SIPA1L3: variants seen among roughly 807,000 people sequenced by gnomAD.
SIPA1L3 encodes the protein signal-induced proliferation-associated 1-like protein 3.
A neutral mutation model predicts 150.1 loss-of-function variants in SIPA1L3; 59 were observed. The ratio of observed to expected loss-of-function variants is 0.39; its 90% CI spans 0.32 to 0.49. SIPA1L3 has a LOEUF of 0.49. Ranked by LOEUF, SIPA1L3 falls within the 20% of genes least tolerant of loss-of-function variation. The pLI is 0.86. For synonymous variants in SIPA1L3, 1,070 were observed against 1,077.6 expected (o/e 0.99, Z 0.14); for missense variants, 2,211 against 2,489.5 (o/e 0.89, Z 2.38).
At chr19:37,938,606 T>C (rs1162633651) in intron 1 of SIPA1L3, among the ~76,000 whole-genome samples, 1 of 151,680 alleles carries the variant, frequency 6.6e-6, no homozygotes, top group East Asian at 1.9e-4. Flanking sequence ...TCTGCTTCTT[T>C]TTCTTTTTTT....
chr19:38,163,778 G>A (rs887908466), intron 14 of SIPA1L3, among the ~76,000 whole-genome samples: 1 of 152,178 alleles, frequency 6.6e-6, no homozygotes, highest in Non-Finnish European at 1.5e-5. Context: ...GTTGGAGACC[G>A]GGACCCAAGC....
intron 16 of SIPA1L3, among the ~76,000 whole-genome samples, chr19:38,186,527 T>G (rs1972681862): frequency 6.6e-6 from 1 of 151,476 alleles, no homozygotes; most frequent in African/African-American, 2.4e-5. Flanking sequence ...TTAATTTTTG[T>G]ATTTTTAATA....
At chr19:38,036,504 A>G (rs1448718739) in intron 2 of SIPA1L3, among the ~76,000 whole-genome samples, 2 of 152,196 alleles carry the variant, frequency 1.3e-5, no homozygotes, top group African/African-American at 4.8e-5. Flanking sequence ...CCTCAGGAGC[A>G]CAGAGTCGCA....
rs1970033682 is a variant in SIPA1L3 at position 38,082,809 on chromosome 19, T to C, written c.1244T>C (p.Leu415Pro). The change falls in exon 3 of 22, where the codon CTC becomes CCC. Residue 415 changes from leucine (L) to proline (P), a missense_variant. Physicochemically the swap from Leu to Pro is moderately conservative, Grantham distance 98 (BLOSUM62 -3). Transcript: ENST00000222345. The part of the protein sequence containing the change: ...LNCKENLEQD[L>P]GDDNSNDLLL... Reference sequence around the variant, plus strand: ...TGCAAGGAGAACTTGGAGCAGGACCTCGGCGATGACAACAGCAACGACCTG... The same window carrying C: ...TGCAAGGAGAACTTGGAGCAGGACCCCGGCGATGACAACAGCAACGACCTG... 3 of 1,613,472 alleles carry C rather than the reference T, an allele frequency of 1.9e-6. No homozygotes were observed. Among genetic ancestry groups the C allele is most frequent in the Non-Finnish European group, 2.5e-6 (3 of 1,179,920 alleles).
intron 1 of SIPA1L3, among the ~76,000 whole-genome samples, chr19:37,927,602 G>A (rs989844011): frequency 1.4e-5 from 2 of 142,030 alleles, no homozygotes; most frequent in Non-Finnish European, 3.0e-5. Flanking sequence ...GTAAGAACAT[G>A]GGGTGTGTGT....
At chr19:37,977,037 A>G (rs2072964320) in intron 1 of SIPA1L3, among the ~76,000 whole-genome samples, 5 of 151,934 alleles carry the variant, frequency 3.3e-5, no homozygotes, top group Admixed American at 3.3e-4. Context: ...GGGTCTTGCC[A>G]TGTTACCCAG....
chr19:38,047,715 CA>C lies in SIPA1L3; in HGVS notation c.-311+18560del, dbSNP rs1969093163. 6.6e-6 allele frequency among the ~76,000 whole-genome samples: 1 copy of C among 152,178 alleles called. No homozygotes were observed. The highest frequency in any genetic ancestry group is 2.4e-5 in the African/African-American group (1 of 41,420). On this transcript the variant is annotated intron_variant, in intron 2 of 21. Transcript: ENST00000222345. This position sits in a 1 kb window ranked among gnomAD's most constrained non-coding sequence, Gnocchi z 4.7. ...CCTTGATGCTGACGGAGGGATGTGA[CA>C]CCGCAGCCAGCCAGGTCTCCTCATG...
intron 6 of SIPA1L3, among the ~76,000 whole-genome samples, chr19:38,103,901 CAAAAAAAAAAAAA>C (rs66888884): frequency 1.0e-5 from 1 of 96,290 alleles, no homozygotes; most frequent in Non-Finnish European, 2.1e-5. Flanking sequence ...GACTCCATAT[CAAAAAAAAAAAAA>C]AAAAAAAGGA....
At position 38,119,635 on chromosome 19, in the gene SIPA1L3, G is replaced by C; in HGVS notation, c.2621G>C (p.Arg874Thr). Residue 874 changes from arginine to threonine, a missense_variant, in exon 9 of 22, where the codon AGG (arginine) becomes ACG (threonine). Physicochemically the swap from Arg to Thr is moderately conservative, Grantham distance 71. Around this residue, in one of 5 missense-constraint regions of SIPA1L3, gnomAD observed 625 missense variants for 804.2 expected, o/e 0.78. Transcript: ENST00000222345. ...CACAGTGCAGGGGCCATCGCCTGGA[G>C]GGTGGTGGCCCAGGACTACGCCCAG... ...EQHSAGAIAW[R>T]VVAQDYAQGV... is the part of the protein sequence containing the mutation. 2.5e-6 allele frequency: 4 copies of C among 1,614,200 alleles called. No homozygotes were observed.
chr19:38,037,803 C>T (rs567547649), intron 2 of SIPA1L3, among the ~76,000 whole-genome samples: 3 of 152,294 alleles, frequency 2.0e-5, no homozygotes, highest in Non-Finnish European at 2.9e-5. Context: ...CTCCAGGTAA[C>T]GGCAACCCCC....
At chr19:38,184,703 A>C (rs1475693909) in intron 16 of SIPA1L3, 1 of 152,246 alleles carries the variant, frequency 6.6e-6, no homozygotes, top group African/African-American at 2.4e-5. Context: ...GAGACGTGTC[A>C]GGAGACAGAA....
At chr19:38,178,089 GTGTGTGTGTGTGTGTGTGTGT>G (rs1972477180) in intron 15 of SIPA1L3, among the ~76,000 whole-genome samples, 3 of 8,092 alleles carry the variant, frequency 3.7e-4, no homozygotes, top group African/African-American at 1.9e-3. Flanking sequence ...GGCTTTTGGT[GTGTGTGTGTGTGTGTGTGTGT>G]GTGTGTGTGT....
chr19:38,142,701 C>G lies in SIPA1L3; in HGVS notation c.3524C>G (p.Ser1175Cys). The change falls in exon 12 of 22, where the codon TCC (serine) becomes TGC (cysteine). Residue 1175 changes from serine (S) to cysteine (C), a missense_variant. By Grantham distance (112) the Ser-to-Cys change is moderately radical. Around this residue, in one of 5 missense-constraint regions of SIPA1L3, gnomAD observed 806 missense variants for 870.1 expected, o/e 0.93. Transcript: ENST00000222345. ...GSATYVRYKP[S>C]PERYTAAPHP... Reference sequence around the variant, plus strand: ...GCCACCTACGTGAGATACAAGCCATCCCCAGAAAGGTCAGCCTCCCTCAAT... The same window carrying G: ...GCCACCTACGTGAGATACAAGCCATGCCCAGAAAGGTCAGCCTCCCTCAAT... The G allele has an allele frequency of 2.5e-6, 4 of 1,613,230 alleles. No individual in the cohort carries two copies. The highest frequency in any genetic ancestry group is 3.4e-6 in the Non-Finnish European group (4 of 1,179,378).
chr19:38,172,156 A>T (rs1202944409), intron 15 of SIPA1L3, among the ~76,000 whole-genome samples: 2 of 152,152 alleles, frequency 1.3e-5, no homozygotes, highest in Non-Finnish European at 2.9e-5. Context: ...GCAACTGTGG[A>T]TGTGGCAGCA....
At chr19:38,036,826 G>T (rs855611) in intron 2 of SIPA1L3, among the ~76,000 whole-genome samples, 2 of 152,092 alleles carry the variant, frequency 1.3e-5, no homozygotes, top group African/African-American at 4.8e-5. Flanking sequence ...CCCCCCACTC[G>T]CCCCATCCCG....
rs185325881 is a variant in SIPA1L3 at position 38,068,502 on chromosome 19, G to A, written c.-310-12754G>A. ...AGGGCAAAGGGGTGGCAGGCAGACT[G>A]TTGAGGTTTGAATCCCACCTGCCCC... On this transcript the variant is annotated intron_variant, in intron 2 of 21. Transcript: ENST00000222345. 2.6e-4 allele frequency among the ~76,000 whole-genome samples: 40 copies of A among 152,256 alleles called. No individual in the cohort carries two copies. The East Asian group carries it at 5.8e-3, about 22-fold the overall frequency.
intron 2 of SIPA1L3, among the ~76,000 whole-genome samples, chr19:38,029,721 C>T (rs1292731999): frequency 6.6e-6 from 1 of 152,084 alleles, no homozygotes; most frequent in Admixed American, 6.5e-5. Flanking sequence ...GCTTCAGCCT[C>T]CGGAGTAGCT....
chr19:37,953,770 A>AT (rs1389424985), intron 1 of SIPA1L3, among the ~76,000 whole-genome samples: 1 of 152,042 alleles, frequency 6.6e-6, no homozygotes, highest in Non-Finnish European at 1.5e-5. Context: ...GGCACGTGTG[A>AT]TTTTGCCATT....
intron 8 of SIPA1L3, among the ~76,000 whole-genome samples, chr19:38,115,744 T>C (rs1422267626): frequency 2.6e-5 from 4 of 152,210 alleles, no homozygotes; most frequent in Non-Finnish European, 5.9e-5. Flanking sequence ...AGAGAGGCCC[T>C]CCCAGATTCT....
Sources: allele counts gnomAD v4.1 joint callset (sites outside exome capture counted in the v4.1 genomes callset), GRCh38; gene constraint gnomAD v4.1.1; regional missense constraint gnomAD v4.1.1; non-coding constraint Gnocchi (gnomAD v3.1); transcripts MANE v1.5; gene names NCBI Gene and HGNC (gene_info 2026-07-23, HGNC 2026-07-21).